The following ATRX variants were observed in gnomAD, a reference collection of about 807,000 sequenced individuals.
ATRX encodes ATRX chromatin remodeler, also known as chromatin remodeler ATRX.
ATRX carries 12 observed loss-of-function variants against 172.6 expected under a neutral mutation model. The ratio of observed to expected loss-of-function variants is 0.07; its 90% CI spans 0.04 to 0.11. The LOEUF is 0.11. ATRX is among the 10% of genes least tolerant of loss of function. The probability of loss-of-function intolerance (pLI) is 1.00; values close to 1 mark genes in which losing one functional copy is unlikely to be tolerated. For missense variants in ATRX, 1,368 were observed against 1,767.4 expected (o/e 0.77, Z 4.05); for synonymous variants, 674 against 594.7 (o/e 1.13, Z -1.94).
intron 27 of ATRX, among the ~76,000 whole-genome samples, chrX:77,581,239 A>C (rs781904959): frequency 1.8e-5 from 2 of 111,825 alleles, no homozygotes; most frequent in South Asian, 7.5e-4. Context: ...ATTCAATGTA[A>C]ATGGACTAAA....
In ATRX at chrX:77,711,015, C is replaced by G. The variant is rs1285908569; in HGVS notation, c.133+6116G>C. On this transcript the variant is annotated intron_variant, in intron 2 of 34. Coordinates refer to ENST00000373344, the MANE Select transcript of ATRX (RefSeq NM_000489.6). The stretch of plus-strand genomic sequence containing the variant: ...AATAGATTTTATCAATGTCAATTTC[C>G]TGGTTGTGATATTGTATTCTAGTTT... Among the ~76,000 whole-genome samples, 4 of 110,981 alleles carry G rather than the reference C, an allele frequency of 3.6e-5. No homozygotes were observed. In the Admixed American group the frequency reaches 3.9e-4, roughly 11 times the overall value.
intron 1 of ATRX, among the ~76,000 whole-genome samples, chrX:77,717,758 C>T (rs781965650): frequency 9.0e-6 from 1 of 111,275 alleles, no homozygotes; most frequent in African/African-American, 3.3e-5. Flanking sequence ...TTTCAATGTA[C>T]TCTATATGAT....
At chrX:77,631,986 GTT>G (rs1260074817) in intron 19 of ATRX, among the ~76,000 whole-genome samples, 2 of 109,962 alleles carry the variant, frequency 1.8e-5, no homozygotes, top group African/African-American at 6.6e-5. Flanking sequence ...AAAATGAAAA[GTT>G]TTTTTTTGTT....
In ATRX at chrX:77,517,698, A is replaced by G. The variant is rs528953722; in HGVS notation, c.7200+3090T>C. On this transcript the variant is annotated intron_variant, in intron 34 of 34. Transcript: ENST00000373344. The stretch of plus-strand genomic sequence containing the variant: ...AGGCCAGTAACACCTTAATACCAAA[A>G]CCAGACAAACACATCAAAAAAAGAA... Among the ~76,000 whole-genome samples, 3 of 111,899 alleles carry G rather than the reference A, an allele frequency of 2.7e-5. No homozygotes were observed. In the South Asian group the frequency reaches 1.1e-3, roughly 42 times the overall value.
At chrX:77,759,397 A>G (rs1557191794) in intron 1 of ATRX, among the ~76,000 whole-genome samples, 4 of 111,147 alleles carry the variant, frequency 3.6e-5, no homozygotes, top group African/African-American at 1.3e-4. Flanking sequence ...GTAGCAAACT[A>G]TTATCTATAT....
chrX:77,557,094 G>A (rs1317253626), intron 30 of ATRX, among the ~76,000 whole-genome samples: 2 of 111,852 alleles, frequency 1.8e-5, no homozygotes, highest in African/African-American at 6.5e-5. Context: ...CCTGCAACCC[G>A]AAATTCACCA....
At chrX:77,665,119 A>T (rs782418543) in intron 10 of ATRX, among the ~76,000 whole-genome samples, 2 of 112,407 alleles carry the variant, frequency 1.8e-5, no homozygotes, top group South Asian at 7.4e-4. Flanking sequence ...CTACAACTAC[A>T]AAGTCAGACA....
intron 1 of ATRX, among the ~76,000 whole-genome samples, chrX:77,739,376 C>T (rs1569544272): frequency 9.2e-6 from 1 of 108,186 alleles, no homozygotes; most frequent in African/African-American, 3.3e-5. Context: ...GATATATATA[C>T]ATAATCAGAT....
chrX:77,767,438 C>G (rs1557196822), intron 1 of ATRX, among the ~76,000 whole-genome samples: 2 of 110,392 alleles, frequency 1.8e-5, no homozygotes, highest in South Asian at 3.9e-4. Context: ...CTCTGTCACC[C>G]AGGCAGGAGT....
At chrX:77,554,359 A>C (rs2064687135) in intron 30 of ATRX, among the ~76,000 whole-genome samples, 1 of 111,570 alleles carries the variant, frequency 9.0e-6, no homozygotes, top group Admixed American at 9.5e-5. Context: ...GTCTATTATC[A>C]GTTGAGTTCT....
intron 27 of ATRX, among the ~76,000 whole-genome samples, chrX:77,581,435 G>C (rs781783043): frequency 8.9e-6 from 1 of 111,868 alleles, no homozygotes; most frequent in East Asian, 2.8e-4. Flanking sequence ...GGACAAAATA[G>C]ATTTCAAGAT....
At chrX:77,745,919 ATTT>A (rs781796570) in intron 1 of ATRX, among the ~76,000 whole-genome samples, 2 of 110,785 alleles carry the variant, frequency 1.8e-5, no homozygotes, top group South Asian at 3.8e-4. Context: ...GTACACACAA[ATTT>A]TTTTTTATTT....
chrX:77,732,005 A>G (rs1350368135), intron 1 of ATRX, among the ~76,000 whole-genome samples: 13 of 111,878 alleles, frequency 1.2e-4, no homozygotes, highest in African/African-American at 3.9e-4. Flanking sequence ...CCCACATGAC[A>G]AGGCAAGAGG....
chrX:77,606,817 T>C (rs1216221060), intron 22 of ATRX, among the ~76,000 whole-genome samples: 1 of 104,712 alleles, frequency 9.6e-6, no homozygotes, highest in African/African-American at 3.5e-5. Flanking sequence ...CATATAAATA[T>C]ACACACACAC....
chrX:77,704,866 G>A (rs1320297501), intron 2 of ATRX, among the ~76,000 whole-genome samples: 1 of 112,294 alleles, frequency 8.9e-6, no homozygotes, highest in Non-Finnish European at 1.9e-5. Context: ...GGCCCCAAGA[G>A]TGCAGAGACA....
intron 19 of ATRX, among the ~76,000 whole-genome samples, chrX:77,625,282 A>G (rs1459602159): frequency 6.2e-5 from 7 of 112,807 alleles, no homozygotes; most frequent in Non-Finnish European, 1.3e-4. Flanking sequence ...ACCTGAAACT[A>G]TAAAAATTCT....
chrX:77,699,851 TA>T, intron 2 of ATRX, among the ~76,000 whole-genome samples: 1 of 111,509 alleles, frequency 9.0e-6, no homozygotes. Context: ...AACAAACATT[TA>T]AAAAAGGACT....
chrX:77,599,670 A>G, intron 24 of ATRX, 62 bp downstream of exon 24: 7 of 1,183,862 alleles, frequency 5.9e-6, no homozygotes, highest in Non-Finnish European at 8.0e-6. Context: ...TAAGAGGTCA[A>G]TCAGCAAGTA....
chrX:77,687,095 G>A (rs1215287413), intron 7 of ATRX, among the ~76,000 whole-genome samples: 2 of 100,081 alleles, frequency 2.0e-5, no homozygotes, highest in African/African-American at 7.5e-5. Context: ...GGACGTTGTC[G>A]TGAGCCAAGA....
Sources: gnomAD v4.1 joint callset for allele counts (sites outside exome capture counted in the v4.1 genomes callset) on GRCh38, gnomAD v4.1.1 for gene constraint, MANE v1.5 for transcripts, NCBI Gene and HGNC (gene_info 2026-07-23, HGNC 2026-07-21) for gene names.